FOXN3: variants seen among roughly 807,000 people sequenced by gnomAD.
The protein encoded by FOXN3 is forkhead box protein N3.
In FOXN3, 7 loss-of-function variants were observed where a neutral mutation model predicts 38.4. The ratio of observed to expected loss-of-function variants is 0.18; its 90% CI spans 0.10 to 0.34. The LOEUF is 0.34. Among genes scored for constraint, FOXN3 ranks in the 10% least tolerant of loss-of-function variants. The pLI is 1.00. For missense variants in FOXN3, 456 were observed against 613.4 expected, an observed-to-expected ratio of 0.74 and a Z score of 2.71; for synonymous variants, 230 against 242.2, an observed-to-expected ratio of 0.95 and a Z score of 0.47.
intron 4 of FOXN3, 43 bp downstream of exon 4, chr14:89,280,906 TG>T (rs763629693): frequency 1.3e-6 from 2 of 1,534,746 alleles, no homozygotes; most frequent in Non-Finnish European, 1.8e-6. Context: ...GAAAGGCGGG[TG>T]GGTGAGGGGG....
chr14:89,446,096 A>AAAAAAAAAAAAAAC, intron 1 of FOXN3, among the ~76,000 whole-genome samples: 1 of 147,596 alleles, frequency 6.8e-6, no homozygotes, highest in African/African-American at 2.5e-5. Flanking sequence ...TCAAAAAAAA[A>AAAAAAAAAAAAAAC]AAAAAAAAAA....
At chr14:89,443,707 T>C (rs1892435313) in intron 1 of FOXN3, among the ~76,000 whole-genome samples, 1 of 152,128 alleles carries the variant, frequency 6.6e-6, no homozygotes, top group Non-Finnish European at 1.5e-5. Context: ...TCAGGAAAGA[T>C]GGTTGCAAAG....
intron 1 of FOXN3, among the ~76,000 whole-genome samples, chr14:89,613,784 ACTC>A (rs1896441933): frequency 6.6e-6 from 1 of 151,918 alleles, no homozygotes; most frequent in South Asian, 2.1e-4. Context: ...ACTTCTATAG[ACTC>A]CTCAACTGAA....
At chr14:89,369,040 C>T (rs1046477772) in intron 2 of FOXN3, among the ~76,000 whole-genome samples, 6 of 152,116 alleles carry the variant, frequency 3.9e-5, no homozygotes, top group Non-Finnish European at 5.9e-5. Context: ...AGCTGGGCCT[C>T]AGGAAAGACT....
intron 4 of FOXN3, among the ~76,000 whole-genome samples, chr14:89,237,120 C>T (rs1885004153): frequency 6.9e-6 from 1 of 144,874 alleles, no homozygotes; most frequent in African/African-American, 2.6e-5. Context: ...ATATACAAAG[C>T]TGTCATCATT....
At chr14:89,267,875 T>C (rs1332679673) in intron 4 of FOXN3, among the ~76,000 whole-genome samples, 1 of 152,164 alleles carries the variant, frequency 6.6e-6, no homozygotes, top group Non-Finnish European at 1.5e-5. Context: ...CATCTAACTA[T>C]AAATGGCATT....
rs1474062181 is a variant in FOXN3 at position 89,307,589 on chromosome 14, T to TTTTGCTACCCTCTCTCCCTTCGG, written c.681-26598_681-26576dup. Among the ~76,000 whole-genome samples the TTTTGCTACCCTCTCTCCCTTCGG allele has an allele frequency of 3.2e-4, 48 of 152,310 alleles. 1 individual carries two copies. Among genetic ancestry groups the TTTTGCTACCCTCTCTCCCTTCGG allele is most frequent in the Middle Eastern group, 6.8e-3 (2 of 294 alleles). On this transcript the variant is annotated intron_variant, in intron 3 of 5. Coordinates refer to ENST00000557258, the MANE Select transcript of FOXN3 (RefSeq NM_005197.4). ...TCGGAAACACCAAAGGTCTCTTTGC[T>TTTTGCTACCCTCTCTCCCTTCGG]TTTGCTACCCTCTCTCCCTTCGGTT... is the stretch of plus-strand genomic sequence containing the variant.
At chr14:89,225,834 G>A (rs998938277) in intron 4 of FOXN3, among the ~76,000 whole-genome samples, 1 of 152,012 alleles carries the variant, frequency 6.6e-6, no homozygotes, top group Non-Finnish European at 1.5e-5. Flanking sequence ...TGTGAGTGAA[G>A]GCCCATCAGG....
chr14:89,483,269 A>G (rs1893377847), intron 1 of FOXN3, among the ~76,000 whole-genome samples: 1 of 152,174 alleles, frequency 6.6e-6, no homozygotes, highest in African/African-American at 2.4e-5. Flanking sequence ...GCAGCCAGGA[A>G]GCCATGTTTT....
At chr14:89,422,699 G>A (rs567008937) in intron 1 of FOXN3, among the ~76,000 whole-genome samples, 2 of 152,268 alleles carry the variant, frequency 1.3e-5, no homozygotes, top group Non-Finnish European at 2.9e-5. Flanking sequence ...GAACTTTCTG[G>A]TCACCGTCTC....
intron 1 of FOXN3, among the ~76,000 whole-genome samples, chr14:89,448,644 A>C (rs1327059040): frequency 6.6e-6 from 1 of 152,096 alleles, no homozygotes; most frequent in Non-Finnish European, 1.5e-5. Flanking sequence ...TATTCTCTAC[A>C]TAAGAAATCC....
intron 4 of FOXN3, among the ~76,000 whole-genome samples, chr14:89,270,428 A>G (rs1596144116): frequency 6.6e-6 from 1 of 152,252 alleles, no homozygotes; most frequent in African/African-American, 2.4e-5. Context: ...TGGATACCCA[A>G]TCATCACCAG....
chr14:89,357,349 G>C (rs1222898781), intron 2 of FOXN3, among the ~76,000 whole-genome samples: 5 of 152,200 alleles, frequency 3.3e-5, no homozygotes, highest in African/African-American at 7.2e-5. Flanking sequence ...GCTCACGCCT[G>C]TAATCCCAAC....
At chr14:89,394,442 G>A (rs948670386) in intron 2 of FOXN3, among the ~76,000 whole-genome samples, 1 of 151,972 alleles carries the variant, frequency 6.6e-6, no homozygotes. Context: ...CCTGACCTCA[G>A]GTGATCAGCC....
At chr14:89,406,971 T>C (rs920227828) in intron 2 of FOXN3, among the ~76,000 whole-genome samples, 38 of 148,898 alleles carry the variant, frequency 2.6e-4, no homozygotes, top group African/African-American at 8.9e-4. Context: ...TTAATTGATT[T>C]AGGCACAGAT....
intron 1 of FOXN3, among the ~76,000 whole-genome samples, chr14:89,613,849 G>A (rs1896442991): frequency 6.6e-6 from 1 of 152,208 alleles, no homozygotes; most frequent in Non-Finnish European, 1.5e-5. Flanking sequence ...GAGCAGCACA[G>A]TTCTACTGCG....
intron 4 of FOXN3, among the ~76,000 whole-genome samples, chr14:89,231,119 A>C (rs553898070): frequency 2.8e-4 from 43 of 152,030 alleles, no homozygotes; most frequent in Non-Finnish European, 5.6e-4. Context: ...ACCTGGGGTG[A>C]TTTTGTTGTT....
chr14:89,518,275 C>T (rs1894248034), intron 1 of FOXN3, among the ~76,000 whole-genome samples: 1 of 152,182 alleles, frequency 6.6e-6, no homozygotes, highest in South Asian at 2.1e-4. Flanking sequence ...AAAGCATTGC[C>T]CAGTAAAACT....
At chr14:89,403,273 C>T (rs1207714884) in intron 2 of FOXN3, among the ~76,000 whole-genome samples, 1 of 152,086 alleles carries the variant, frequency 6.6e-6, no homozygotes, top group Non-Finnish European at 1.5e-5. Context: ...GCGATCATGG[C>T]TCACCGTAGC....
Sources: gnomAD v4.1 joint callset for allele counts (sites outside exome capture counted in the v4.1 genomes callset) on GRCh38, gnomAD v4.1.1 for gene constraint, MANE v1.5 for transcripts, NCBI Gene and HGNC (gene_info 2026-07-23, HGNC 2026-07-21) for gene names.